LRGUK: variants seen among roughly 807,000 people sequenced by gnomAD.
LRGUK encodes the protein leucine-rich repeat and guanylate kinase domain-containing protein.
Under a neutral mutation model 76.0 loss-of-function variants are expected in LRGUK, and 65 were observed. The observed-to-expected ratio is 0.85, with a 90% CI of 0.70 to 1.05. The LOEUF is 1.05. Among genes scored for constraint, LRGUK ranks in the 50% least tolerant of loss-of-function variants. The pLI, the probability that LRGUK is intolerant of heterozygous loss-of-function variation, is 0.00. For synonymous variants in LRGUK, 268 were observed against 265.6 expected (o/e 1.01, Z -0.09); for missense variants, 758 against 732.8 (o/e 1.03, Z -0.40).
chr7:134,143,998 T>C lies in LRGUK; in HGVS notation c.588+836T>C, dbSNP rs1464961518. Among the ~76,000 whole-genome samples the C allele has an allele frequency of 1.3e-5, 2 of 152,362 alleles. 1 individual carries two copies. Among genetic ancestry groups the C allele is most frequent in the Middle Eastern group, 6.8e-3 (2 of 294 alleles). On this transcript the variant is annotated intron_variant, in intron 4 of 15. Coordinates refer to ENST00000645682, the Ensembl canonical transcript of LRGUK. ...CACTCTTCTGCACATTGGAATCACCTGAGGGAGTTTTCAGACCTACTGATA... is the reference window on the plus strand; with the variant it reads ...CACTCTTCTGCACATTGGAATCACCCGAGGGAGTTTTCAGACCTACTGATA...
At chr7:134,144,172 G>A (rs961572213) in intron 4 of LRGUK, among the ~76,000 whole-genome samples, 3 of 152,050 alleles carry the variant, frequency 2.0e-5, no homozygotes, top group Admixed American at 1.3e-4. Context: ...TGATCCTGTC[G>A]CCCAGGCTGG....
At chr7:134,199,901 T>C (rs1800676910) in intron 14 of LRGUK, among the ~76,000 whole-genome samples, 1 of 147,734 alleles carries the variant, frequency 6.8e-6, no homozygotes, top group Admixed American at 6.8e-5. Flanking sequence ...TGGGAGAATT[T>C]ATCAAAATAT....
intron 3 of LRGUK, among the ~76,000 whole-genome samples, chr7:134,140,948 A>G (rs1335029990): frequency 6.6e-6 from 1 of 152,188 alleles, no homozygotes; most frequent in East Asian, 1.9e-4. Context: ...TTAGATGGTC[A>G]TCTCATCAGA....
chr7:134,234,715 G>A (rs1300239236), intron 16 of LRGUK, among the ~76,000 whole-genome samples: 2 of 151,854 alleles, frequency 1.3e-5, no homozygotes, highest in African/African-American at 4.8e-5. Context: ...GATATTGGAG[G>A]ATCTGAGGGC....
chr7:134,256,869 G>A (rs902174619), intron 18 of LRGUK, among the ~76,000 whole-genome samples: 12 of 152,216 alleles, frequency 7.9e-5, no homozygotes, highest in Non-Finnish European at 1.8e-4. Flanking sequence ...AACAGGGCAG[G>A]TCCAGATCTT....
intron 7 of LRGUK, among the ~76,000 whole-genome samples, chr7:134,169,133 GACACACACACACACACAC>G (rs36204942): frequency 0.068 from 9,180 of 135,480 alleles, 435 homozygotes; most frequent in Non-Finnish European, 0.08. Context: ...AAGGGAAGAA[GACACACACACACACACAC>G]ACACACACAC....
At chr7:134,127,789 C>T in intron 1 of LRGUK, 125 bp downstream of exon 1, 2 of 1,073,144 alleles carry the variant, frequency 1.9e-6, no homozygotes, top group Non-Finnish European at 2.6e-6. Flanking sequence ...TCTCTCGCCT[C>T]CAGGAACGCC....
At chr7:134,248,822 A>T (rs1409987386) in intron 17 of LRGUK, 129 bp from the exon 18 acceptor site, 20 of 626,258 alleles carry the variant, frequency 3.2e-5, no homozygotes, top group Non-Finnish European at 4.4e-5. Context: ...GAGTGGATAT[A>T]TTACATTATT....
At chr7:134,244,936 G>A (rs1802256270) in intron 16 of LRGUK, among the ~76,000 whole-genome samples, 1 of 149,644 alleles carries the variant, frequency 6.7e-6, no homozygotes, top group African/African-American at 2.5e-5. Context: ...ATCATTCTGA[G>A]CAAACTATCG....
At chr7:134,146,319 A>G (rs1321059608) in intron 4 of LRGUK, among the ~76,000 whole-genome samples, 1 of 152,148 alleles carries the variant, frequency 6.6e-6, no homozygotes. Context: ...AGAGCATAGT[A>G]TTAGCGTTTG....
At chr7:134,242,309 G>A (rs917366876) in intron 16 of LRGUK, among the ~76,000 whole-genome samples, 3 of 152,066 alleles carry the variant, frequency 2.0e-5, no homozygotes, top group Admixed American at 6.6e-5. Context: ...CCGCTAGCAA[G>A]ACTAATAAAG....
chr7:134,160,937 T>G (rs908988028), intron 6 of LRGUK, among the ~76,000 whole-genome samples: 2 of 152,230 alleles, frequency 1.3e-5, no homozygotes, highest in East Asian at 1.9e-4. Context: ...AGAGTTTAAC[T>G]AGATAGCTTT....
At chr7:134,148,983 G>A (rs1357774988) in intron 5 of LRGUK, among the ~76,000 whole-genome samples, 1 of 151,420 alleles carries the variant, frequency 6.6e-6, no homozygotes, top group Non-Finnish European at 1.5e-5. Context: ...TATAAATTCA[G>A]TATTTGAAAA....
intron 1 of LRGUK, among the ~76,000 whole-genome samples, chr7:134,135,848 G>A (rs541372043): frequency 2.0e-5 from 3 of 152,294 alleles, no homozygotes; most frequent in South Asian, 2.1e-4. Context: ...AGTAGAGACG[G>A]GGTTTCACCG....
intron 5 of LRGUK, 33 bp from the exon 6 acceptor site, chr7:134,158,002 A>G: frequency 2.5e-6 from 4 of 1,582,602 alleles, no homozygotes; most frequent in Non-Finnish European, 2.6e-6. Context: ...TGCTTTTAAT[A>G]ACATTTTCCT....
At chr7:134,165,210 G>A (rs1798920566) in intron 7 of LRGUK, among the ~76,000 whole-genome samples, 1 of 152,034 alleles carries the variant, frequency 6.6e-6, no homozygotes, top group Non-Finnish European at 1.5e-5. Flanking sequence ...TATGTACCAG[G>A]CACTTTCCTA....
intron 11 of LRGUK, 136 bp from the exon 12 acceptor site, chr7:134,191,519 T>A (rs986381722): frequency 3.0e-6 from 2 of 662,786 alleles, no homozygotes; most frequent in African/African-American, 3.7e-5. Context: ...AACCAACATA[T>A]TCTTACAACT....
At chr7:134,262,208 T>C (rs1802745789) in intron 19 of LRGUK, among the ~76,000 whole-genome samples, 1 of 151,990 alleles carries the variant, frequency 6.6e-6, no homozygotes, top group Non-Finnish European at 1.5e-5. Flanking sequence ...ACCCTGTCTC[T>C]ACTAAAAATC....
At chr7:134,260,306 T>C (rs1554478816) in intron 19 of LRGUK, among the ~76,000 whole-genome samples, 1 of 152,208 alleles carries the variant, frequency 6.6e-6, no homozygotes, top group Non-Finnish European at 1.5e-5. Flanking sequence ...CTAGATATTG[T>C]GCTTGTAAAT....
Sources: gnomAD v4.1 joint callset for allele counts (sites outside exome capture counted in the v4.1 genomes callset) on GRCh38, gnomAD v4.1.1 for gene constraint, MANE v1.5 for transcripts, NCBI Gene and HGNC (gene_info 2026-07-23, HGNC 2026-07-21) for gene names.